The following ZFAND3 variants were observed in gnomAD, a reference collection of about 807,000 sequenced individuals.
ZFAND3 encodes AN1-type zinc finger protein 3.
ZFAND3 carries 10 observed loss-of-function variants against 29.6 expected under a neutral mutation model. The observed-to-expected ratio is 0.34, with a 90% CI of 0.21 to 0.57. ZFAND3 has a LOEUF of 0.57. Among genes scored for constraint, ZFAND3 ranks in the 20% least tolerant of loss-of-function variants. The pLI, the probability that ZFAND3 is intolerant of heterozygous loss-of-function variation, is 0.86. For synonymous variants in ZFAND3, 128 were observed against 112.6 expected (o/e 1.14, Z -0.87); for missense variants, 230 against 304.5 (o/e 0.76, Z 1.82).
At chr6:38,075,896 C>T (rs537546988) in intron 3 of ZFAND3, among the ~76,000 whole-genome samples, 18 of 152,222 alleles carry the variant, frequency 1.2e-4, no homozygotes, top group African/African-American at 2.6e-4. Flanking sequence ...AGACTACAGG[C>T]GCCCGCCACC....
At chr6:38,053,224 G>A (rs776417638) in intron 2 of ZFAND3, among the ~76,000 whole-genome samples, 3 of 152,028 alleles carry the variant, frequency 2.0e-5, no homozygotes, top group Non-Finnish European at 4.4e-5. Context: ...TTAGGATTCT[G>A]GATCTGGTTG....
At chr6:38,012,608 A>AC (rs1028902692) in intron 2 of ZFAND3, among the ~76,000 whole-genome samples, 27 of 151,918 alleles carry the variant, frequency 1.8e-4, no homozygotes, top group African/African-American at 6.3e-4. Flanking sequence ...TGAACTCCTG[A>AC]CCTCGTGATC....
chr6:38,140,980 C>A, intron 5 of ZFAND3, among the ~76,000 whole-genome samples: 1 of 137,412 alleles, frequency 7.3e-6, no homozygotes, highest in Non-Finnish European at 1.6e-5. Context: ...TCTGCCCGCC[C>A]CCACCCCCAC....
chr6:37,877,008 A>G (rs1764805759), intron 1 of ZFAND3, among the ~76,000 whole-genome samples: 1 of 152,302 alleles, frequency 6.6e-6, no homozygotes, highest in South Asian at 2.1e-4. Flanking sequence ...TGACACACAG[A>G]TCCTAGGTTT....
At chr6:38,126,072 C>T (rs146491033) in intron 5 of ZFAND3, among the ~76,000 whole-genome samples, 40 of 152,196 alleles carry the variant, frequency 2.6e-4, no homozygotes, top group African/African-American at 7.9e-4. Context: ...TCCCTCATGC[C>T]CCTTTTCAGT....
intron 1 of ZFAND3, among the ~76,000 whole-genome samples, chr6:37,823,852 C>T (rs1350716048): frequency 6.6e-6 from 1 of 151,502 alleles, no homozygotes; most frequent in African/African-American, 2.4e-5. Flanking sequence ...AGTGCAATGG[C>T]GCAAGCTTGG....
chr6:37,825,050 A>T (rs991385945), intron 1 of ZFAND3, among the ~76,000 whole-genome samples: 8 of 152,226 alleles, frequency 5.3e-5, no homozygotes, highest in African/African-American at 1.7e-4. Context: ...CTCTGAGCCC[A>T]GGCTTAGTGA....
intron 2 of ZFAND3, among the ~76,000 whole-genome samples, chr6:38,054,045 G>A (rs1280950689): frequency 6.6e-6 from 1 of 151,404 alleles, no homozygotes; most frequent in Non-Finnish European, 1.5e-5. Context: ...TACAGGTAGA[G>A]GTGTGTGTGT....
intron 2 of ZFAND3, among the ~76,000 whole-genome samples, chr6:38,035,999 C>T (rs1369298720): frequency 6.6e-6 from 1 of 152,212 alleles, no homozygotes; most frequent in African/African-American, 2.4e-5. Flanking sequence ...TTACCTCTCC[C>T]AGCTCCATGT....
chr6:38,044,379 C>G, intron 2 of ZFAND3, among the ~76,000 whole-genome samples: 1 of 145,494 alleles, frequency 6.9e-6, no homozygotes, highest in East Asian at 2.0e-4. Flanking sequence ...AACACTCTTA[C>G]TTTTTTTTTT....
intron 2 of ZFAND3, among the ~76,000 whole-genome samples, chr6:38,015,922 A>G (rs1211883491): frequency 2.6e-5 from 4 of 152,146 alleles, no homozygotes; most frequent in Non-Finnish European, 4.4e-5. Context: ...AGATTAGACA[A>G]AGCTAGCTAG....
chr6:38,041,758 TCC>T (rs1763783227), intron 2 of ZFAND3, among the ~76,000 whole-genome samples: 31 of 2,618 alleles, frequency 0.012, 13 homozygotes, highest in Admixed American at 0.036. Flanking sequence ...CTCCTCCTCC[TCC>T]TCCTCCTCCT....
chr6:37,827,064 CT>C (rs1763773798), intron 1 of ZFAND3, among the ~76,000 whole-genome samples: 1 of 152,132 alleles, frequency 6.6e-6, no homozygotes, highest in South Asian at 2.1e-4. Context: ...CTCTAGATCC[CT>C]TTTTTTCTTA....
Position 37,828,902 on chromosome 6 carries a change from G to A in ZFAND3, c.71+8886G>A, listed in dbSNP as rs554908583. The stretch of plus-strand genomic sequence containing the variant: ...CCTTACCTCGTGATCCGCCCGCCTC[G>A]GCCTCCCAAAGTGCTGGGATTACAG... On this transcript the variant is annotated intron_variant, in intron 1 of 5. Transcript: ENST00000287218. Among the ~76,000 whole-genome samples the A allele has an allele frequency of 9.9e-5, 15 of 152,088 alleles. No individual in the cohort carries two copies. In the East Asian group the frequency reaches 2.9e-3, roughly 29 times the overall value.
chr6:38,077,938 ACT>A (rs537606665), intron 3 of ZFAND3, among the ~76,000 whole-genome samples: 170 of 152,262 alleles, frequency 1.1e-3, no homozygotes, highest in African/African-American at 2.6e-3. Flanking sequence ...ATGCTCAGTA[ACT>A]CTATAGGAGA....
chr6:37,863,773 A>G (rs1764536746), intron 1 of ZFAND3, among the ~76,000 whole-genome samples: 1 of 152,238 alleles, frequency 6.6e-6, no homozygotes, highest in Admixed American at 6.5e-5. Flanking sequence ...CGTTTGGACA[A>G]TATGCCAAAT....
chr6:38,115,019 G>T (rs1765390210), intron 4 of ZFAND3, among the ~76,000 whole-genome samples: 1 of 152,220 alleles, frequency 6.6e-6, no homozygotes, highest in South Asian at 2.1e-4. Context: ...TAGAAGTGAT[G>T]ATCAGGGAAG....
chr6:38,128,796 C>T (rs1051673188), intron 5 of ZFAND3, among the ~76,000 whole-genome samples: 2 of 152,166 alleles, frequency 1.3e-5, no homozygotes, highest in African/African-American at 4.8e-5. Flanking sequence ...ATTGTGCTAC[C>T]ATAAACATCC....
chr6:38,019,177 C>G (rs1234124582), intron 2 of ZFAND3, among the ~76,000 whole-genome samples: 1 of 152,170 alleles, frequency 6.6e-6, no homozygotes, highest in Non-Finnish European at 1.5e-5. Flanking sequence ...TCAGGCTGGT[C>G]TTGAACTCCT....
Sources: allele counts gnomAD v4.1 joint callset (sites outside exome capture counted in the v4.1 genomes callset), GRCh38; gene constraint gnomAD v4.1.1; transcripts MANE v1.5; gene names NCBI Gene and HGNC (gene_info 2026-07-23, HGNC 2026-07-21).